Variants in PRKCE observed in about 807,000 individuals in gnomAD.
The protein encoded by PRKCE is protein kinase C epsilon, also known as protein kinase C epsilon type.
PRKCE carries 16 observed loss-of-function variants against 85.4 expected under a neutral mutation model. The observed-to-expected ratio is 0.19, with a 90% confidence interval of 0.13 to 0.28. The LOEUF (loss-of-function observed/expected upper bound fraction) is 0.28. Ranked by LOEUF, PRKCE falls within the 10% of genes least tolerant of loss-of-function variation. PRKCE has a pLI of 1.00. For missense variants in PRKCE, 573 were observed against 975.2 expected (o/e 0.59, Z 5.49); for synonymous variants, 388 against 371.5 (o/e 1.04, Z -0.51).
chr2:46,010,800 A>T (rs1705606672), intron 10 of PRKCE: 1 of 1,587,718 alleles, frequency 6.3e-7, no homozygotes, highest in Non-Finnish European at 8.5e-7. Context: ...CTCATTGGAA[A>T]AACCAACAAG....
chr2:45,940,111 G>A (rs1057489878), intron 2 of PRKCE, among the ~76,000 whole-genome samples: 2 of 152,196 alleles, frequency 1.3e-5, no homozygotes, highest in African/African-American at 4.8e-5. Flanking sequence ...ACTGGTTCCT[G>A]AAATTGGCAT....
rs1675140463 is a variant in PRKCE at position 45,651,848 on chromosome 2, G to A, written c.-253G>A. Reference sequence around the variant, plus strand: ...GGTGCAGCTGGTGGTCGGGGGGAGAGACTTGCTCCAAACACGGACATCCCC... The same window carrying A: ...GGTGCAGCTGGTGGTCGGGGGGAGAAACTTGCTCCAAACACGGACATCCCC... On this transcript the variant is annotated 5_prime_UTR_variant, in exon 1 of 15. Coordinates refer to ENST00000306156, the MANE Select transcript of PRKCE (RefSeq NM_005400.3). The A allele has an allele frequency of 2.5e-6, 1 of 398,086 alleles. No individual in the cohort carries two copies. Among genetic ancestry groups the A allele is most frequent in the Non-Finnish European group, 4.5e-6 (1 of 221,372 alleles). 24.7% of individuals were successfully genotyped at this position (398,086 alleles called of 1,614,324 possible). A position where few individuals can be genotyped will look rare whatever the true frequency, so the allele number is the denominator to read the frequency against.
At chr2:45,796,500 A>G (rs889225994) in intron 1 of PRKCE, among the ~76,000 whole-genome samples, 1 of 152,188 alleles carries the variant, frequency 6.6e-6, no homozygotes, top group African/African-American at 2.4e-5. Flanking sequence ...GATTTCACTG[A>G]AATTATCACT....
In PRKCE at chr2:45,921,355, C is replaced by T. The variant is rs142083775; in HGVS notation, c.413-55074C>T. On this transcript the variant is annotated intron_variant, in intron 2 of 14. Coordinates refer to ENST00000306156, the MANE Select transcript of PRKCE (RefSeq NM_005400.3). ...GAAATATAAATTGTTGTAAAAAAAA[C>T]ACATACGTAGATATAGTTAGCAGAG... 2.6e-5 allele frequency among the ~76,000 whole-genome samples: 4 copies of T among 152,214 alleles called. No homozygotes were observed. In the East Asian group the frequency reaches 7.7e-4, roughly 29 times the overall value.
At chr2:45,894,109 A>C (rs1695950554) in intron 2 of PRKCE, among the ~76,000 whole-genome samples, 1 of 152,162 alleles carries the variant, frequency 6.6e-6, no homozygotes, top group African/African-American at 2.4e-5. Flanking sequence ...ATTGTCGCAC[A>C]GGGTTGGCAC....
At chr2:45,719,097 C>G (rs757395247) in intron 1 of PRKCE, among the ~76,000 whole-genome samples, 6 of 152,210 alleles carry the variant, frequency 3.9e-5, no homozygotes, top group Non-Finnish European at 5.9e-5. Flanking sequence ...TTATTAGCAG[C>G]AGGTTGAGAA....
chr2:45,961,680 C>A (rs1432523820), intron 2 of PRKCE, among the ~76,000 whole-genome samples: 1 of 148,552 alleles, frequency 6.7e-6, no homozygotes, highest in Non-Finnish European at 1.5e-5. Context: ...GGCAGTGCTA[C>A]TCCATTGCCA....
At chr2:45,932,100 G>A (rs1478076685) in intron 2 of PRKCE, among the ~76,000 whole-genome samples, 1 of 152,174 alleles carries the variant, frequency 6.6e-6, no homozygotes, top group Non-Finnish European at 1.5e-5. Flanking sequence ...CCTCTCTTCT[G>A]CTCACTACCC....
intron 11 of PRKCE, among the ~76,000 whole-genome samples, chr2:46,112,294 T>C (rs1012166507): frequency 1.3e-5 from 2 of 152,218 alleles, no homozygotes; most frequent in Admixed American, 1.3e-4. Flanking sequence ...ATATTTAAAG[T>C]GGTTTTCTTT....
At chr2:45,874,761 G>GGATTCTT (rs1346945372) in intron 2 of PRKCE, among the ~76,000 whole-genome samples, 2 of 152,146 alleles carry the variant, frequency 1.3e-5, no homozygotes, top group Admixed American at 1.3e-4. Context: ...TTTCCAGAGA[G>GGATTCTT]GATTCTTGCT....
At chr2:46,087,000 A>G (rs1231417111) in intron 11 of PRKCE, among the ~76,000 whole-genome samples, 1 of 152,196 alleles carries the variant, frequency 6.6e-6, no homozygotes, top group East Asian at 1.9e-4. Flanking sequence ...GAACAAAACT[A>G]CAAAGGCTCT....
intron 2 of PRKCE, among the ~76,000 whole-genome samples, chr2:45,901,901 G>C (rs1319547949): frequency 6.6e-6 from 1 of 152,228 alleles, no homozygotes. Flanking sequence ...GGTGACTTCA[G>C]AGTTTAAGAG....
Position 46,001,591 on chromosome 2 carries a change from G to A in PRKCE, c.966+45G>A, listed in dbSNP as rs962094922. ...TGTTGCTGGAGCCCTTTTCAGGCTA[G>A]CATTTCTGTGCTGACTTCCAGAGGG... is the stretch of plus-strand genomic sequence containing the variant. On this transcript the variant is annotated intron_variant, in intron 7 of 14. Coordinates refer to ENST00000306156, the MANE Select transcript of PRKCE (RefSeq NM_005400.3). The surrounding 1 kb of genome is among the most constrained non-coding windows in gnomAD (Gnocchi z 4.4). 4.4e-6 allele frequency: 7 copies of A among 1,574,572 alleles called. No homozygotes were observed. The African/African-American group carries it at 9.4e-5, about 21-fold the overall frequency.
intron 11 of PRKCE, among the ~76,000 whole-genome samples, chr2:46,114,119 G>T (rs540130558): frequency 3.3e-5 from 5 of 152,158 alleles, no homozygotes; most frequent in Admixed American, 2.0e-4. Context: ...CGAATGAGCA[G>T]GGAGAAGCAT....
intron 1 of PRKCE, among the ~76,000 whole-genome samples, chr2:45,733,612 G>A (rs60048610): frequency 0.11 from 16,974 of 152,206 alleles, 1,229 homozygotes; most frequent in South Asian, 0.17. Context: ...GAGAGGGTGA[G>A]GTTTGAGCAA....
intron 5 of PRKCE, 85 bp downstream of exon 5, chr2:45,980,466 C>A: frequency 1.6e-6 from 2 of 1,265,904 alleles, no homozygotes; most frequent in Non-Finnish European, 2.3e-6. Context: ...CCAAGAAAAC[C>A]TTCTCTGCCT....
At chr2:45,879,314 G>A (rs534453982) in intron 2 of PRKCE, among the ~76,000 whole-genome samples, 2 of 152,250 alleles carry the variant, frequency 1.3e-5, no homozygotes, top group Admixed American at 6.5e-5. Flanking sequence ...CCCCTTTCCC[G>A]CTCCCCTTCC....
chr2:46,063,028 CAG>C (rs1009937501), intron 10 of PRKCE, among the ~76,000 whole-genome samples: 4 of 152,196 alleles, frequency 2.6e-5, no homozygotes, highest in African/African-American at 9.7e-5. Flanking sequence ...CGAAAGAAAG[CAG>C]AGTGGGCAAG....
intron 1 of PRKCE, among the ~76,000 whole-genome samples, chr2:45,716,899 A>C (rs1680171998): frequency 6.6e-6 from 1 of 152,250 alleles, no homozygotes; most frequent in African/African-American, 2.4e-5. Context: ...GAATGAGAGC[A>C]GAGCGAAGGG....
Sources: gnomAD v4.1 joint callset for allele counts (sites outside exome capture counted in the v4.1 genomes callset) on GRCh38, gnomAD v4.1.1 for gene constraint, Gnocchi (gnomAD v3.1) non-coding constraint, MANE v1.5 for transcripts, NCBI Gene and HGNC (gene_info 2026-07-23, HGNC 2026-07-21) for gene names.